The following ZC3H7B variants were observed in gnomAD, a reference collection of about 807,000 sequenced individuals.
ZC3H7B encodes zinc finger CCCH-type containing 7B.
A neutral mutation model predicts 116.0 loss-of-function variants in ZC3H7B; 35 were observed. The observed-to-expected ratio is 0.30, with a 90% CI of 0.23 to 0.40. ZC3H7B has a LOEUF of 0.40. Ranked by LOEUF, ZC3H7B falls within the 10% of genes least tolerant of loss-of-function variation. The pLI is 1.00. For missense variants in ZC3H7B, 1,011 were observed against 1,321.5 expected (o/e 0.77, Z 3.64); for synonymous variants, 502 against 545.6 (o/e 0.92, Z 1.11).
chr22:41,353,410 A>T (rs770642476), intron 17 of ZC3H7B, among the ~76,000 whole-genome samples: 2 of 152,280 alleles, frequency 1.3e-5, no homozygotes, highest in South Asian at 4.1e-4. Flanking sequence ...TGGCCCTCGT[A>T]TCTCCTGGGG....
At chr22:41,345,106 T>C (rs757073658) in intron 13 of ZC3H7B, among the ~76,000 whole-genome samples, 1 of 152,056 alleles carries the variant, frequency 6.6e-6, no homozygotes, top group Non-Finnish European at 1.5e-5. Flanking sequence ...TGAGCCACCA[T>C]GTCCAGCGCC....
At chr22:41,325,505 C>T (rs996792802) in intron 2 of ZC3H7B, 59 bp from the exon 3 acceptor site, 16 of 1,576,988 alleles carry the variant, frequency 1.0e-5, no homozygotes, top group Admixed American at 9.3e-5. Context: ...TAGCTCTGGA[C>T]CTCCATGAAG....
chr22:41,320,380 C>T (rs936332987), intron 1 of ZC3H7B, among the ~76,000 whole-genome samples: 1 of 150,896 alleles, frequency 6.6e-6, no homozygotes, highest in African/African-American at 2.4e-5. Flanking sequence ...GGTGTCCATA[C>T]GGTATTGTAG....
chr22:41,342,709 T>A (rs2036537795), intron 12 of ZC3H7B, 81 bp downstream of exon 12: 2 of 1,333,188 alleles, frequency 1.5e-6, no homozygotes, highest in Non-Finnish European at 2.1e-6. Context: ...ATCAAAAGAA[T>A]CCCAGTGTCT....
chr22:41,340,021 C>T lies in ZC3H7B; in HGVS notation c.1022C>T (p.Pro341Leu). Residue 341 changes from proline (P) to leucine (L), a missense_variant, in exon 10 of 23, where the codon CCC becomes CTC. Physicochemically the swap from Pro to Leu is moderately conservative, Grantham distance 98 (BLOSUM62 -3). Around this residue, in one of 5 missense-constraint regions of ZC3H7B, gnomAD observed 99 missense variants for 89.5 expected, o/e 1.11. Coordinates refer to ENST00000352645, the MANE Select transcript of ZC3H7B (RefSeq NM_017590.6). ...GCCTCTGTGCTGGATGCCCTCGATCCCCCGGGCCCCACGCTGGACCCCCTG... is the reference window on the plus strand; with the variant it reads ...GCCTCTGTGCTGGATGCCCTCGATCTCCCGGGCCCCACGCTGGACCCCCTG... ...LAASVLDALD[P>L]PGPTLDPLDL... 1 of 1,611,282 alleles carries T rather than the reference C, an allele frequency of 6.2e-7. No homozygotes were observed. The highest frequency in any genetic ancestry group is 8.5e-7 in the Non-Finnish European group (1 of 1,179,994).
intron 1 of ZC3H7B, among the ~76,000 whole-genome samples, chr22:41,312,097 C>T (rs2036125845): frequency 6.7e-6 from 1 of 148,244 alleles, no homozygotes; most frequent in Admixed American, 6.9e-5. Context: ...GCGGAGCTTG[C>T]AGTGAGCCAA....
chr22:41,324,245 C>T (rs576521004), intron 2 of ZC3H7B, among the ~76,000 whole-genome samples: 3 of 152,088 alleles, frequency 2.0e-5, no homozygotes, highest in South Asian at 2.1e-4. Context: ...GGGGCCCAGA[C>T]AGTGGGGAGG....
chr22:41,343,938 C>T (rs1192394552), intron 13 of ZC3H7B, among the ~76,000 whole-genome samples: 1 of 152,170 alleles, frequency 6.6e-6, no homozygotes, highest in Non-Finnish European at 1.5e-5. Flanking sequence ...GCCCAGCAGC[C>T]ACATGAAGCA....
In ZC3H7B at chr22:41,345,200, G is replaced by A. The variant is rs1051660776; in HGVS notation, c.1460-803G>A. Among the ~76,000 whole-genome samples, 7 of 152,350 alleles carry A rather than the reference G, an allele frequency of 4.6e-5. 1 individual carries two copies. The highest frequency in any genetic ancestry group is 6.5e-5 in the Admixed American group (1 of 15,302). ...AGCAAAGACAGCTGAGGCTCGGGGA[G>A]TAATGAGGAATCCTAGCCCAATTCT... On this transcript the variant is annotated intron_variant, in intron 13 of 22. Transcript: ENST00000352645.
At chr22:41,356,305 G>A (rs766880728) in intron 20 of ZC3H7B, 38 bp from the exon 21 acceptor site, 2 of 1,612,186 alleles carry the variant, frequency 1.2e-6, no homozygotes, top group Non-Finnish European at 1.7e-6. Flanking sequence ...GGATGGAGAA[G>A]CCCCTCAGCA....
intron 7 of ZC3H7B, 113 bp downstream of exon 7, chr22:41,332,340 C>G: frequency 7.9e-7 from 1 of 1,269,994 alleles, no homozygotes; most frequent in Non-Finnish European, 1.1e-6. Flanking sequence ...CTCCGCCTCC[C>G]TAGGAGGTAC....
At chr22:41,341,197 TGGGTTCTAGAGTTGG>T in intron 11 of ZC3H7B, 51 bp downstream of exon 11, 1 of 1,608,882 alleles carries the variant, frequency 6.2e-7, no homozygotes, top group Non-Finnish European at 8.5e-7. Context: ...CTGGGGGTTG[TGGGTTCTAGAGTTGG>T]GGAATGAGCC....
Position 41,332,245 on chromosome 22 carries a change from C to G in ZC3H7B, c.582+18C>G, listed in dbSNP as rs766714797. 6.2e-7 allele frequency: 1 copy of G among 1,613,912 alleles called. No individual in the cohort carries two copies. Among genetic ancestry groups the G allele is most frequent in the African/African-American group, 1.3e-5 (1 of 74,934 alleles). On this transcript the variant is annotated intron_variant, in intron 7 of 22. Coordinates refer to ENST00000352645, the MANE Select transcript of ZC3H7B (RefSeq NM_017590.6). Reference sequence around the variant, plus strand: ...CAGATCAGGTAGGATCGGGGCTGAACCAACCTGTCTCAGTTTATCCATTAT... The same window carrying G: ...CAGATCAGGTAGGATCGGGGCTGAAGCAACCTGTCTCAGTTTATCCATTAT...
intron 1 of ZC3H7B, 137 bp from the exon 2 acceptor site, chr22:41,320,518 A>T: frequency 1.0e-6 from 1 of 974,534 alleles, no homozygotes; most frequent in Non-Finnish European, 1.6e-6. Context: ...CATCGCCCTC[A>T]GGGACACGCC....
chr22:41,328,298 G>C (rs1036434648), intron 5 of ZC3H7B, among the ~76,000 whole-genome samples: 1 of 152,212 alleles, frequency 6.6e-6, no homozygotes, highest in Non-Finnish European at 1.5e-5. Flanking sequence ...GACCCAGTTA[G>C]GGTTAGTAAA....
intron 1 of ZC3H7B, among the ~76,000 whole-genome samples, chr22:41,319,568 TAA>T (rs71202700): frequency 7.6e-4 from 50 of 65,644 alleles, no homozygotes; most frequent in East Asian, 2.6e-3. Flanking sequence ...AGTCTCCGGC[TAA>T]AAAAAAAAAA....
intron 2 of ZC3H7B, among the ~76,000 whole-genome samples, chr22:41,323,278 G>A (rs1363843277): frequency 6.6e-6 from 1 of 152,192 alleles, no homozygotes; most frequent in Non-Finnish European, 1.5e-5. Flanking sequence ...TGGGCGGCAG[G>A]TCCTCTCCCA....
At chr22:41,313,302 G>T (rs1252765567) in intron 1 of ZC3H7B, among the ~76,000 whole-genome samples, 4 of 152,046 alleles carry the variant, frequency 2.6e-5, no homozygotes, top group Admixed American at 6.6e-5. Flanking sequence ...TGTATTTTTA[G>T]TAGAGATGGG....
intron 13 of ZC3H7B, among the ~76,000 whole-genome samples, chr22:41,345,453 C>T (rs955997760): frequency 1.4e-4 from 21 of 151,950 alleles, no homozygotes; most frequent in African/African-American, 4.8e-4. Context: ...GGCGTGGTGG[C>T]GGGTGCCTGT....
Sources: allele counts gnomAD v4.1 joint callset (sites outside exome capture counted in the v4.1 genomes callset), GRCh38; gene constraint gnomAD v4.1.1; regional missense constraint gnomAD v4.1.1; transcripts MANE v1.5; gene names NCBI Gene and HGNC (gene_info 2026-07-23, HGNC 2026-07-21).